AIFM2: variants seen among roughly 807,000 people sequenced by gnomAD.
The protein encoded by AIFM2 is ferroptosis suppressor protein 1.
AIFM2 carries 38 observed loss-of-function variants against 35.7 expected under a neutral mutation model. The ratio of observed to expected loss-of-function variants is 1.06; its 90% CI spans 0.82 to 1.39. The LOEUF is 1.39. AIFM2 is among the 40% of genes most tolerant of loss of function. AIFM2 has a pLI of 0.00. For missense variants in AIFM2, 476 were observed against 491.2 expected (o/e 0.97, Z 0.29); for synonymous variants, 185 against 203.5 (o/e 0.91, Z 0.77).
chr10:70,122,972 C>T (rs567380661), intron 3 of AIFM2, among the ~76,000 whole-genome samples: 10 of 152,222 alleles, frequency 6.6e-5, no homozygotes, highest in South Asian at 2.1e-4. Flanking sequence ...ATGAGGAATC[C>T]GCTATCTGCC....
At chr10:70,121,453 C>T (rs916923830) in intron 3 of AIFM2, among the ~76,000 whole-genome samples, 2 of 152,158 alleles carry the variant, frequency 1.3e-5, no homozygotes, top group East Asian at 1.9e-4. Flanking sequence ...TTTACCTCCG[C>T]GTGGAGAATG....
In AIFM2 at chr10:70,116,668, G is replaced by C. The variant is rs768200212; in HGVS notation, c.723C>G (p.Leu241=). The change falls in exon 7 of 9, where the codon CTC becomes CTG. Residue 241 remains leucine, a synonymous_variant. Coordinates refer to ENST00000307864, the MANE Select transcript of AIFM2 (RefSeq NM_032797.6). Reference sequence around the variant, plus strand: ...AGCTGTTGATCTTGATGCCGGTGCAGAGAATCACCAGGTTGGTGGCCACCT... The same window carrying C: ...AGCTGTTGATCTTGATGCCGGTGCACAGAATCACCAGGTTGGTGGCCACCT... The part of the protein sequence containing the change: ...GTEVATNLVI[L]CTGIKINSSA... The C allele has an allele frequency of 6.2e-7, 1 of 1,614,216 alleles. No individual in the cohort carries two copies. Among genetic ancestry groups the C allele is most frequent in the African/African-American group, 1.3e-5 (1 of 75,062 alleles).
At position 70,132,773 on chromosome 10, in the gene AIFM2, TCCCG is replaced by T. The variant is rs1399403255; in HGVS notation, c.-57_-54del. ...CGCGCGCTCTCGCTCCGGCTCCCGC[TCCCG>T]CTCCCGCTCCCGCTTGGTCGTCTTC... is the stretch of plus-strand genomic sequence containing the variant. On this transcript the variant is annotated 5_prime_UTR_variant, in exon 1 of 9. Transcript: ENST00000307864. 9 of 143,580 alleles carry T rather than the reference TCCCG, an allele frequency of 6.3e-5. No homozygotes were observed. The highest frequency in any genetic ancestry group is 2.3e-4 in the African/African-American group (8 of 35,444). 8.9% of individuals were successfully genotyped at this position (143,580 alleles called of 1,614,324 possible).
intron 5 of AIFM2, chr10:70,118,214 C>A: frequency 3.1e-6 from 1 of 325,544 alleles, no homozygotes. Context: ...AAATTATCTT[C>A]AAGCATCCTT....
chr10:70,123,014 A>G (rs1389089599), intron 3 of AIFM2, among the ~76,000 whole-genome samples: 3 of 152,112 alleles, frequency 2.0e-5, no homozygotes, highest in African/African-American at 7.2e-5. Flanking sequence ...GCTCACAGAC[A>G]GCATTCTCTT....
intron 1 of AIFM2, among the ~76,000 whole-genome samples, chr10:70,129,852 C>T (rs1328781761): frequency 6.6e-6 from 1 of 151,584 alleles, no homozygotes; most frequent in Non-Finnish European, 1.5e-5. Flanking sequence ...GCTATGATTG[C>T]ACCACTGCAC....
intron 1 of AIFM2, among the ~76,000 whole-genome samples, chr10:70,132,082 T>G (rs958390962): frequency 3.9e-5 from 6 of 152,076 alleles, no homozygotes; most frequent in Admixed American, 1.3e-4. Flanking sequence ...GGTGTGTTGA[T>G]CAGGTGGTGT....
intron 5 of AIFM2, 79 bp downstream of exon 5, chr10:70,120,428 A>T (rs1304820590): frequency 6.9e-7 from 1 of 1,440,518 alleles, no homozygotes; most frequent in African/African-American, 1.4e-5. Context: ...CTCTGCCCTG[A>T]GCAAATTCCT....
rs2072625423 is a variant in AIFM2, at chr10:70,131,410, C to T, written c.-14+1324G>A. ...TCCTGGGACACTCCATGGCCAGCCC[C>T]TCAGGGACTACTTGAAGAACAGAAC... On this transcript the variant is annotated intron_variant, in intron 1 of 8. Transcript: ENST00000307864. The surrounding 1 kb of genome is among the most constrained non-coding windows in gnomAD (Gnocchi z 4.1). Among the ~76,000 whole-genome samples, 1 of 152,194 alleles carries T rather than the reference C, an allele frequency of 6.6e-6. No homozygotes were observed. Among genetic ancestry groups the T allele is most frequent in the South Asian group, 2.1e-4 (1 of 4,832 alleles).
intron 1 of AIFM2, among the ~76,000 whole-genome samples, chr10:70,130,290 C>G (rs781418679): frequency 6.6e-6 from 1 of 152,202 alleles, no homozygotes; most frequent in Non-Finnish European, 1.5e-5. Flanking sequence ...TTCCAGAACA[C>G]TTCCATCACC....
At chr10:70,126,210 A>T (rs2072564002) in intron 1 of AIFM2, among the ~76,000 whole-genome samples, 1 of 152,260 alleles carries the variant, frequency 6.6e-6, no homozygotes, top group Non-Finnish European at 1.5e-5. Context: ...ACAAGCAATC[A>T]ACCCTCCTCC....
At chr10:70,114,476 T>G (rs944723151) in intron 8 of AIFM2, 147 bp from the exon 9 acceptor site, 44 of 1,032,250 alleles carry the variant, frequency 4.3e-5, no homozygotes, top group South Asian at 7.8e-5. Context: ...CCTGATTTTT[T>G]TTTGTTTGTT....
rs893381057 is a variant in AIFM2 at position 70,122,388 on chromosome 10, C to T, written c.294+1017G>A. Among the ~76,000 whole-genome samples, 7 of 152,276 alleles carry T rather than the reference C, an allele frequency of 4.6e-5. 1 individual carries two copies. In the South Asian group the frequency reaches 1.0e-3, roughly 23 times the overall value. On this transcript the variant is annotated intron_variant, in intron 3 of 8. Transcript: ENST00000307864. Reference sequence around the variant, plus strand: ...TTAATTCAAGAAGGGCTGGGTCACACGAAATCACAACTCATCAAGGAAAGG... The same window carrying T: ...TTAATTCAAGAAGGGCTGGGTCACATGAAATCACAACTCATCAAGGAAAGG...
intron 1 of AIFM2, among the ~76,000 whole-genome samples, chr10:70,126,594 A>T (rs1001557687): frequency 1.3e-5 from 2 of 152,210 alleles, no homozygotes; most frequent in Admixed American, 1.3e-4. Flanking sequence ...AGGCCCAACC[A>T]GCTATAATAT....
chr10:70,123,863 C>A, intron 2 of AIFM2, 44 bp downstream of exon 2: 1 of 1,491,582 alleles, frequency 6.7e-7, no homozygotes, highest in Admixed American at 2.3e-5. Context: ...AGAGCAGAGA[C>A]AAGACCCCCC....
In AIFM2 at chr10:70,114,980, T is replaced by C; in HGVS notation, c.910A>G (p.Ile304Val). 3 of 1,614,200 alleles carry C rather than the reference T, an allele frequency of 1.9e-6. No individual in the cohort carries two copies. Among genetic ancestry groups the C allele is most frequent in the Middle Eastern group, 1.6e-4 (1 of 6,062 alleles). ...MAYLAGLHANIAVANIVNSVK... is the reference protein window; with the variant it reads ...MAYLAGLHANVAVANIVNSVK... The stretch of plus-strand genomic sequence containing the variant: ...GAGTTGACGATGTTGGCCACGGCGA[T>C]GTTGGCGTGGAGGCCGGCAAGATAG... The change falls in exon 8 of 9, where the codon ATC becomes GTC. Residue 304 changes from isoleucine to valine, a missense_variant. Ile to Val is a conservative substitution (Grantham distance 29). Coordinates refer to ENST00000307864, the MANE Select transcript of AIFM2 (RefSeq NM_032797.6).
At chr10:70,122,102 T>TA (rs200963463) in intron 3 of AIFM2, among the ~76,000 whole-genome samples, 1 of 151,720 alleles carries the variant, frequency 6.6e-6, no homozygotes, top group African/African-American at 2.4e-5. Flanking sequence ...CAAAAACAAT[T>TA]AAAAAAATTT....
chr10:70,121,275 G>A, intron 3 of AIFM2, 64 bp from the exon 4 acceptor site: 9 of 1,452,302 alleles, frequency 6.2e-6, no homozygotes, highest in Non-Finnish European at 8.1e-6. Flanking sequence ...GCAGGGCAGG[G>A]CAGGCCTAGG....
intron 3 of AIFM2, among the ~76,000 whole-genome samples, chr10:70,121,900 T>G (rs578060404): frequency 6.6e-6 from 1 of 151,956 alleles, no homozygotes; most frequent in Non-Finnish European, 1.5e-5. Flanking sequence ...GAAACCAACC[T>G]GATCAACATG....
Sources: gnomAD v4.1 joint callset for allele counts (sites outside exome capture counted in the v4.1 genomes callset) on GRCh38, gnomAD v4.1.1 for gene constraint, Gnocchi (gnomAD v3.1) non-coding constraint, MANE v1.5 for transcripts, NCBI Gene and HGNC (gene_info 2026-07-23, HGNC 2026-07-21) for gene names.